The following RUNDC3B variants were observed in gnomAD, a reference collection of about 807,000 sequenced individuals.
The protein encoded by RUNDC3B is RUN domain containing 3B, also known as RUN domain-containing protein 3B.
A neutral mutation model predicts 58.4 loss-of-function variants in RUNDC3B; 33 were observed. The observed-to-expected ratio is 0.56, with a 90% CI of 0.43 to 0.75. The LOEUF (loss-of-function observed/expected upper bound fraction) is 0.75. RUNDC3B is among the 30% of genes least tolerant of loss of function. RUNDC3B has a pLI of 0.00. For missense variants in RUNDC3B, 501 were observed against 535.7 expected (o/e 0.94, Z 0.64); for synonymous variants, 193 against 195.2 (o/e 0.99, Z 0.10).
At chr7:87,720,362 CTT>C (rs1183802560) in intron 4 of RUNDC3B, among the ~76,000 whole-genome samples, 1 of 151,952 alleles carries the variant, frequency 6.6e-6, no homozygotes, top group Non-Finnish European at 1.5e-5. Context: ...TTACAGCACT[CTT>C]TGGTGAGGAT....
chr7:87,724,981 C>T (rs1305893778), intron 4 of RUNDC3B, among the ~76,000 whole-genome samples: 1 of 151,876 alleles, frequency 6.6e-6, no homozygotes, highest in Non-Finnish European at 1.5e-5. Flanking sequence ...AATTAATTTT[C>T]ATATCAATAA....
chr7:87,659,853 A>C (rs1824513125), intron 2 of RUNDC3B, among the ~76,000 whole-genome samples: 1 of 152,144 alleles, frequency 6.6e-6, no homozygotes, highest in Non-Finnish European at 1.5e-5. Flanking sequence ...AAATACATCT[A>C]CTTAATTTTG....
At chr7:87,785,855 A>G (rs1835183056) in intron 8 of RUNDC3B, among the ~76,000 whole-genome samples, 1 of 152,152 alleles carries the variant, frequency 6.6e-6, no homozygotes. Context: ...TCTGTGGGCA[A>G]TTCCTTTGCC....
intron 7 of RUNDC3B, 83 bp from the exon 8 acceptor site, chr7:87,777,715 G>A: frequency 2.9e-6 from 3 of 1,036,348 alleles, no homozygotes; most frequent in South Asian, 3.0e-5. Context: ...AATAGGAATA[G>A]CATTTAAGCT....
At chr7:87,717,368 AAAC>A (rs1294160270) in intron 4 of RUNDC3B, among the ~76,000 whole-genome samples, 2 of 152,112 alleles carry the variant, frequency 1.3e-5, no homozygotes, top group African/African-American at 4.8e-5. Flanking sequence ...AGCAAAAAAT[AAAC>A]AATATTTGCT....
chr7:87,800,533 G>A (rs973103163), intron 8 of RUNDC3B, among the ~76,000 whole-genome samples: 1 of 152,018 alleles, frequency 6.6e-6, no homozygotes, highest in African/African-American at 2.4e-5. Context: ...TGGATCATAT[G>A]GTAATTCTAT....
chr7:87,633,095 T>C (rs896116987), intron 1 of RUNDC3B, among the ~76,000 whole-genome samples: 2 of 152,214 alleles, frequency 1.3e-5, no homozygotes, highest in African/African-American at 4.8e-5. Flanking sequence ...TATTTCAAAT[T>C]ACATTAGCAC....
intron 4 of RUNDC3B, among the ~76,000 whole-genome samples, chr7:87,735,842 T>G (rs1831893416): frequency 1.3e-5 from 2 of 152,318 alleles, no homozygotes; most frequent in East Asian, 1.9e-4. Flanking sequence ...TATCTTTGTC[T>G]TTTGTTTCTT....
rs574178441 is a variant in RUNDC3B, at chr7:87,773,250, G to A, written c.798+2501G>A. 6.0e-4 allele frequency among the ~76,000 whole-genome samples: 90 copies of A among 150,562 alleles called. 1 individual carries two copies. Among genetic ancestry groups the A allele is most frequent in the African/African-American group, 2.1e-3 (85 of 40,992 alleles). Reference sequence around the variant, plus strand: ...AGGCAGGAGAATGGCATGAACCCGCGAGGCGGAGCTTGCAGTGAGCGGAGA... The same window carrying A: ...AGGCAGGAGAATGGCATGAACCCGCAAGGCGGAGCTTGCAGTGAGCGGAGA... On this transcript the variant is annotated intron_variant, in intron 7 of 10. Transcript: ENST00000394654.
intron 2 of RUNDC3B, among the ~76,000 whole-genome samples, chr7:87,696,540 C>T (rs1828509197): frequency 6.6e-6 from 1 of 152,130 alleles, no homozygotes; most frequent in Non-Finnish European, 1.5e-5. Flanking sequence ...CTAGGATATA[C>T]AGGCAATTTA....
At chr7:87,714,048 G>GA (rs1259414389) in intron 4 of RUNDC3B, among the ~76,000 whole-genome samples, 3 of 152,106 alleles carry the variant, frequency 2.0e-5, no homozygotes, top group Non-Finnish European at 4.4e-5. Flanking sequence ...GTCACAGAGA[G>GA]AAAAAATGAG....
chr7:87,749,205 C>T (rs1172010636), intron 6 of RUNDC3B, among the ~76,000 whole-genome samples: 1 of 152,280 alleles, frequency 6.6e-6, no homozygotes, highest in Admixed American at 6.5e-5. Context: ...TATGTATTCA[C>T]ACACACTAAT....
chr7:87,704,359 A>T (rs34398291), intron 3 of RUNDC3B, among the ~76,000 whole-genome samples: 232 of 152,358 alleles, frequency 1.5e-3, no homozygotes, highest in Middle Eastern at 3.4e-3. Context: ...TGCTACATAA[A>T]CATTCTCATT....
intron 8 of RUNDC3B, among the ~76,000 whole-genome samples, chr7:87,786,591 T>A (rs1835232901): frequency 6.6e-6 from 1 of 152,006 alleles, no homozygotes; most frequent in Admixed American, 6.5e-5. Context: ...TATAAAATTA[T>A]AATTTTACAA....
At chr7:87,820,958 C>T (rs1199742265) in intron 10 of RUNDC3B, among the ~76,000 whole-genome samples, 3 of 151,254 alleles carry the variant, frequency 2.0e-5, no homozygotes, top group African/African-American at 2.4e-5. Context: ...AAACTGGAAG[C>T]ATTCCCTTTG....
chr7:87,808,535 G>C (rs983069649), intron 9 of RUNDC3B, among the ~76,000 whole-genome samples: 1 of 152,054 alleles, frequency 6.6e-6, no homozygotes, highest in Non-Finnish European at 1.5e-5. Context: ...ATAAGTACTG[G>C]AGACTTCAAT....
intron 1 of RUNDC3B, among the ~76,000 whole-genome samples, chr7:87,636,266 T>A (rs1821762308): frequency 6.6e-6 from 1 of 152,208 alleles, no homozygotes; most frequent in Non-Finnish European, 1.5e-5. Context: ...TTTTAGCCAA[T>A]CTTGTATGTT....
intron 9 of RUNDC3B, among the ~76,000 whole-genome samples, chr7:87,814,723 G>A (rs779865462): frequency 1.3e-4 from 20 of 152,036 alleles, no homozygotes; most frequent in Non-Finnish European, 2.5e-4. Context: ...ATCATCATAA[G>A]TTTCCTGCAA....
chr7:87,807,009 A>T (rs1362641739), intron 8 of RUNDC3B, among the ~76,000 whole-genome samples: 2 of 152,048 alleles, frequency 1.3e-5, no homozygotes, highest in African/African-American at 2.4e-5. Flanking sequence ...ATACACATGG[A>T]ATCTTTACTT....
Sources: gnomAD v4.1 joint callset for allele counts (sites outside exome capture counted in the v4.1 genomes callset) on GRCh38, gnomAD v4.1.1 for gene constraint, MANE v1.5 for transcripts, NCBI Gene and HGNC (gene_info 2026-07-23, HGNC 2026-07-21) for gene names.